NKAIN3: variants seen among roughly 807,000 people sequenced by gnomAD.
NKAIN3 encodes the protein sodium/potassium-transporting ATPase subunit beta-1-interacting protein 3.
Under a neutral mutation model 30.2 loss-of-function variants are expected in NKAIN3, and 25 were observed. The observed-to-expected ratio is 0.83, with a 90% CI of 0.60 to 1.16. NKAIN3 has a LOEUF of 1.16. Among genes scored for constraint, NKAIN3 ranks in the 50% most tolerant of loss-of-function variants. The pLI is 0.00. For missense variants in NKAIN3, 225 were observed against 254.1 expected (o/e 0.89, Z 0.78); for synonymous variants, 91 against 89.6 (o/e 1.02, Z -0.09).
At chr8:62,964,821 A>G (rs76807051) in intron 6 of NKAIN3, among the ~76,000 whole-genome samples, 1 of 151,854 alleles carries the variant, frequency 6.6e-6, no homozygotes, top group Admixed American at 6.6e-5. Context: ...TTAAAAAAAA[A>G]CACCTTTACA....
chr8:62,952,007 C>G (rs1237705369), intron 5 of NKAIN3, among the ~76,000 whole-genome samples: 3 of 151,900 alleles, frequency 2.0e-5, no homozygotes, highest in Admixed American at 6.6e-5. Flanking sequence ...ACCATGTTGG[C>G]CAGGCTGGTC....
At chr8:62,518,022 T>A (rs1808046669) in intron 1 of NKAIN3, among the ~76,000 whole-genome samples, 1 of 152,106 alleles carries the variant, frequency 6.6e-6, no homozygotes, top group South Asian at 2.1e-4. Context: ...AGGAAGTTAA[T>A]TGTGAGGGAA....
At chr8:62,708,509 T>C (rs1477320798) in intron 3 of NKAIN3, among the ~76,000 whole-genome samples, 1 of 152,192 alleles carries the variant, frequency 6.6e-6, no homozygotes, top group African/African-American at 2.4e-5. Flanking sequence ...ACTTCTTGAT[T>C]TGAGTCTCCA....
At chr8:62,724,551 T>A (rs1815195856) in intron 3 of NKAIN3, among the ~76,000 whole-genome samples, 1 of 152,152 alleles carries the variant, frequency 6.6e-6, no homozygotes, top group East Asian at 1.9e-4. Flanking sequence ...CAGCCTCTGA[T>A]AACTATCATT....
chr8:62,700,133 A>T (rs1216241441), intron 3 of NKAIN3, among the ~76,000 whole-genome samples: 1 of 152,164 alleles, frequency 6.6e-6, no homozygotes, highest in Non-Finnish European at 1.5e-5. Context: ...TCGAAAAAAA[A>T]ATTAGTTGCT....
At position 62,972,417 on chromosome 8, in the gene NKAIN3, G is replaced by A. The variant is rs1823854183; in HGVS notation, c.*7010G>A. Among the ~76,000 whole-genome samples the A allele has an allele frequency of 6.6e-6, 1 of 152,078 alleles. No homozygotes were observed. Among genetic ancestry groups the A allele is most frequent in the Admixed American group, 6.6e-5 (1 of 15,258 alleles). ...TTTTTATTTTTATTTTTAACCACCA[G>A]ATTGAGTATGTTGATACATCAAATG... On this transcript the variant is annotated 3_prime_UTR_variant, in exon 7 of 7. Coordinates refer to ENST00000623646, the MANE Select transcript of NKAIN3 (RefSeq NM_001304533.3).
At position 62,979,843 on chromosome 8, in the gene NKAIN3, A is replaced by G. The variant is rs184756771; in HGVS notation, c.*14436A>G. 2 of 152,224 alleles carry G rather than the reference A, an allele frequency of 1.3e-5. No homozygotes were observed. Among genetic ancestry groups the G allele is most frequent in the Non-Finnish European group, 2.9e-5 (2 of 68,038 alleles). The allele number at this position is 152,224 out of a possible 1,614,324, so 9.4% of individuals were successfully genotyped here. On this transcript the variant is annotated 3_prime_UTR_variant, in exon 7 of 7. Coordinates refer to ENST00000623646, the MANE Select transcript of NKAIN3 (RefSeq NM_001304533.3). ...GCCTTTTTTGCCTGCGTTTGTTTGG[A>G]CCCTGCTAATCAAGGCTACAGGGCA...
intron 1 of NKAIN3, among the ~76,000 whole-genome samples, chr8:62,334,842 C>T (rs1277079066): frequency 1.3e-5 from 2 of 151,986 alleles, no homozygotes; most frequent in Admixed American, 6.6e-5. Context: ...TTGACTTAAT[C>T]TCTCTCATTC....
chr8:62,379,966 G>A (rs947400549), intron 1 of NKAIN3, among the ~76,000 whole-genome samples: 1 of 152,076 alleles, frequency 6.6e-6, no homozygotes, highest in Non-Finnish European at 1.5e-5. Context: ...TGGTATATGA[G>A]TCAAAATAAA....
chr8:62,505,676 C>T (rs1444342837), intron 1 of NKAIN3, among the ~76,000 whole-genome samples: 2 of 152,066 alleles, frequency 1.3e-5, no homozygotes, highest in Non-Finnish European at 2.9e-5. Flanking sequence ...AGATCCATAT[C>T]CAGTAGTATC....
chr8:62,918,989 C>CA (rs553688723), intron 5 of NKAIN3, among the ~76,000 whole-genome samples: 272 of 129,460 alleles, frequency 2.1e-3, no homozygotes, highest in African/African-American at 3.6e-3. Context: ...AGATGAGATG[C>CA]AAAAAAAAAA....
chr8:62,478,135 G>A lies in NKAIN3; in HGVS notation c.55-101404G>A, dbSNP rs185519716. ...GGGTTTCAACATATGCATTTTGGAG[G>A]GGCACAAACATGTAACTGATAGGAG... On this transcript the variant is annotated intron_variant, in intron 1 of 6. Transcript: ENST00000623646. Among the ~76,000 whole-genome samples, 392 of 152,006 alleles carry A rather than the reference G, an allele frequency of 2.6e-3. 2 individuals are homozygous for A. Among genetic ancestry groups the A allele is most frequent in the Middle Eastern group, 0.01 (3 of 294 alleles).
At chr8:62,570,085 G>C (rs896243380) in intron 1 of NKAIN3, among the ~76,000 whole-genome samples, 1 of 152,202 alleles carries the variant, frequency 6.6e-6, no homozygotes, top group African/African-American at 2.4e-5. Flanking sequence ...GTAGTGAACA[G>C]TGGAAAAATC....
chr8:62,493,546 C>T (rs953303686), intron 1 of NKAIN3, among the ~76,000 whole-genome samples: 2 of 151,940 alleles, frequency 1.3e-5, no homozygotes, highest in Non-Finnish European at 2.9e-5. Flanking sequence ...AAATTTTTTT[C>T]TAGTTCTGTG....
chr8:62,745,462 G>T (rs1044964506), intron 3 of NKAIN3, among the ~76,000 whole-genome samples: 1 of 152,122 alleles, frequency 6.6e-6, no homozygotes, highest in African/African-American at 2.4e-5. Context: ...CCTTGCCCGG[G>T]GACTGCTTTG....
intron 4 of NKAIN3, among the ~76,000 whole-genome samples, chr8:62,906,551 A>G (rs1363751189): frequency 1.3e-5 from 2 of 152,168 alleles, no homozygotes; most frequent in African/African-American, 4.8e-5. Context: ...CTTGAATTGT[A>G]GCTCCAATAA....
At chr8:62,638,282 A>T (rs1224968785) in intron 3 of NKAIN3, among the ~76,000 whole-genome samples, 1 of 152,016 alleles carries the variant, frequency 6.6e-6, no homozygotes, top group Non-Finnish European at 1.5e-5. Flanking sequence ...TGTCATTTTG[A>T]AAAAAACACT....
chr8:62,651,922 A>C (rs1812632141), intron 3 of NKAIN3, among the ~76,000 whole-genome samples: 1 of 152,244 alleles, frequency 6.6e-6, no homozygotes, highest in Admixed American at 6.5e-5. Context: ...GGCCCTCACC[A>C]GAAGCTAAGC....
intron 4 of NKAIN3, among the ~76,000 whole-genome samples, chr8:62,830,047 G>A (rs1352163489): frequency 6.6e-6 from 1 of 152,110 alleles, no homozygotes; most frequent in African/African-American, 2.4e-5. Context: ...ATGCATCAAA[G>A]GAGAAGCCAG....
Sources: gnomAD v4.1 joint callset for allele counts (sites outside exome capture counted in the v4.1 genomes callset) on GRCh38, gnomAD v4.1.1 for gene constraint, MANE v1.5 for transcripts, NCBI Gene and HGNC (gene_info 2026-07-23, HGNC 2026-07-21) for gene names.